Variants in TUSC3 observed in about 807,000 individuals in gnomAD.
The protein encoded by TUSC3 is dolichyl-diphosphooligosaccharide--protein glycosyltransferase subunit TUSC3.
TUSC3 carries 45 observed loss-of-function variants against 44.8 expected under a neutral mutation model. That is an observed-to-expected ratio of 1.00 (90% confidence interval 0.79 to 1.29). The LOEUF (loss-of-function observed/expected upper bound fraction) is 1.29, where lower values mean the gene tolerates loss of function less well. TUSC3 is among the 50% of genes most tolerant of loss of function. TUSC3 has a pLI of 0.00. For synonymous variants in TUSC3, 212 were observed against 152.9 expected (o/e 1.39, Z -2.85); for missense variants, 519 against 437.9 (o/e 1.19, Z -1.65).
intron 1 of TUSC3, among the ~76,000 whole-genome samples, chr8:15,461,011 G>A (rs1280367051): frequency 1.3e-5 from 2 of 152,122 alleles, no homozygotes; most frequent in African/African-American, 2.4e-5. Context: ...GGCTGTGCAG[G>A]ATCTTTTTAA....
intron 6 of TUSC3, among the ~76,000 whole-genome samples, chr8:15,699,196 A>G (rs1231839531): frequency 6.6e-6 from 1 of 152,200 alleles, no homozygotes; most frequent in Non-Finnish European, 1.5e-5. Context: ...TACACTGTAA[A>G]TATAACTAGC....
intron 1 of TUSC3, among the ~76,000 whole-genome samples, chr8:15,607,527 A>T (rs1804582220): frequency 6.6e-6 from 1 of 152,202 alleles, no homozygotes; most frequent in Admixed American, 6.5e-5. Flanking sequence ...AATTGTCATT[A>T]AGTAAAATTT....
At chr8:15,581,989 A>C (rs182082860) in intron 1 of TUSC3, among the ~76,000 whole-genome samples, 1 of 151,656 alleles carries the variant, frequency 6.6e-6, no homozygotes, top group Non-Finnish European at 1.5e-5. Flanking sequence ...CCTCTGAGCC[A>C]GGTGTGGGAT....
chr8:15,447,356 C>A (rs1213918626), intron 1 of TUSC3, among the ~76,000 whole-genome samples: 1 of 151,812 alleles, frequency 6.6e-6, no homozygotes, highest in Non-Finnish European at 1.5e-5. Context: ...AAACTAAAGA[C>A]AAAAATTAAA....
At chr8:15,705,808 G>A (rs962009766) in intron 6 of TUSC3, among the ~76,000 whole-genome samples, 1 of 151,982 alleles carries the variant, frequency 6.6e-6, no homozygotes, top group South Asian at 2.1e-4. Context: ...TACAGAAATA[G>A]CTTCTCTTTT....
intron 1 of TUSC3, among the ~76,000 whole-genome samples, chr8:15,541,626 C>G (rs1801695045): frequency 6.6e-6 from 1 of 152,062 alleles, no homozygotes; most frequent in South Asian, 2.1e-4. Flanking sequence ...ACTAATGTAC[C>G]TCTCTTCAGC....
intron 10 of TUSC3, 58 bp from the exon 11 acceptor site, chr8:15,764,145 A>AT (rs1491140756): frequency 6.9e-7 from 1 of 1,441,890 alleles, no homozygotes; most frequent in African/African-American, 1.4e-5. Context: ...AATAACAAAC[A>AT]TATTGTATTT....
chr8:15,655,540 T>C (rs1807120882), intron 3 of TUSC3, among the ~76,000 whole-genome samples: 1 of 152,216 alleles, frequency 6.6e-6, no homozygotes, highest in African/African-American at 2.4e-5. Flanking sequence ...ACAGTGCACT[T>C]TGATGTCTCG....
chr8:15,461,226 T>C, intron 1 of TUSC3, among the ~76,000 whole-genome samples: 1 of 152,116 alleles, frequency 6.6e-6, no homozygotes, highest in East Asian at 1.9e-4. Flanking sequence ...GTTTTTCTTG[T>C]AGAGGTCTTT....
At chr8:15,586,490 C>T (rs778664706) in intron 1 of TUSC3, among the ~76,000 whole-genome samples, 2 of 152,066 alleles carry the variant, frequency 1.3e-5, no homozygotes, top group Admixed American at 6.6e-5. Context: ...AATGATTGAT[C>T]AAGGTCTGGG....
intron 8 of TUSC3, among the ~76,000 whole-genome samples, chr8:15,746,426 A>T (rs1227488437): frequency 6.6e-6 from 1 of 152,106 alleles, no homozygotes; most frequent in Non-Finnish European, 1.5e-5. Flanking sequence ...GATGTGGCAC[A>T]ACTACTATGA....
intron 1 of TUSC3, among the ~76,000 whole-genome samples, chr8:15,562,183 A>G (rs1585103449): frequency 6.6e-6 from 1 of 152,248 alleles, no homozygotes; most frequent in East Asian, 1.9e-4. Context: ...ATCACTACAC[A>G]ATTACTGCGT....
At chr8:15,813,083 GACC>G in the TUSC3 span, among the ~76,000 whole-genome samples, 2 of 151,922 alleles carry the variant, frequency 1.3e-5, no homozygotes, top group Non-Finnish European at 2.9e-5. Flanking sequence ...AACAGAGTAA[GACC>G]ACGTCTCAAA....
the TUSC3 span, among the ~76,000 whole-genome samples, chr8:15,825,354 G>T: frequency 2.6e-5 from 4 of 152,128 alleles, no homozygotes; most frequent in African/African-American, 7.2e-5. Flanking sequence ...AGTAAGGCAC[G>T]TCTTACATGG....
At chr8:15,505,503 G>A (rs773120013) in intron 2 of TUSC3, among the ~76,000 whole-genome samples, 13 of 152,078 alleles carry the variant, frequency 8.5e-5, no homozygotes, top group East Asian at 1.9e-4. Context: ...ACATCTGTAC[G>A]TTTTTTATTG....
intron 1 of TUSC3, among the ~76,000 whole-genome samples, chr8:15,420,109 T>C (rs781674037): frequency 6.6e-6 from 1 of 151,648 alleles, no homozygotes; most frequent in African/African-American, 2.4e-5. Flanking sequence ...GCATACACAC[T>C]TTATGGAGTA....
intron 1 of TUSC3, among the ~76,000 whole-genome samples, chr8:15,458,212 A>T (rs1182499308): frequency 1.3e-5 from 2 of 152,106 alleles, no homozygotes; most frequent in African/African-American, 4.8e-5. Context: ...CCCTAACTTT[A>T]GTTTATAAAG....
Position 15,554,213 on chromosome 8 carries a change from A to G in TUSC3, c.138+13645A>G, listed in dbSNP as rs990739934. Among the ~76,000 whole-genome samples, 19 of 151,778 alleles carry G rather than the reference A, an allele frequency of 1.3e-4. 1 individual carries two copies. The highest frequency in any genetic ancestry group is 6.6e-5 in the Admixed American group (1 of 15,204). Reference sequence around the variant, plus strand: ...ATGGTGATAAGGTTTCAACATAAGAATTTTGTGGGGATACAAACATGCAGA... The same window carrying G: ...ATGGTGATAAGGTTTCAACATAAGAGTTTTGTGGGGATACAAACATGCAGA... On this transcript the variant is annotated intron_variant, in intron 1 of 10. Coordinates refer to ENST00000503731, the MANE Select transcript of TUSC3 (RefSeq NM_006765.4).
intron 6 of TUSC3, among the ~76,000 whole-genome samples, chr8:15,705,160 G>C (rs1809566308): frequency 6.6e-6 from 1 of 151,438 alleles, no homozygotes; most frequent in Admixed American, 6.6e-5. Flanking sequence ...AGGAATTAGA[G>C]CCATAGTTAC....
Sources: allele counts gnomAD v4.1 joint callset (sites outside exome capture counted in the v4.1 genomes callset), GRCh38; gene constraint gnomAD v4.1.1; transcripts MANE v1.5; gene names NCBI Gene and HGNC (gene_info 2026-07-23, HGNC 2026-07-21).